TECPR2: variants seen among roughly 807,000 people sequenced by gnomAD.
TECPR2 encodes the protein tectonin beta-propeller repeat-containing protein 2.
TECPR2 carries 65 observed loss-of-function variants against 138.1 expected under a neutral mutation model. That is an observed-to-expected ratio of 0.47 (90% confidence interval 0.39 to 0.58). TECPR2 has a LOEUF of 0.58. Ranked by LOEUF, TECPR2 falls within the 20% of genes least tolerant of loss-of-function variation. The probability of loss-of-function intolerance (pLI) is 0.00; values close to 1 mark genes in which losing one functional copy is unlikely to be tolerated. For missense variants in TECPR2, 1,553 were observed against 1,824.5 expected (o/e 0.85, Z 2.71); for synonymous variants, 746 against 749.8 (o/e 0.99, Z 0.08).
At chr14:102,465,011 T>G in intron 16 of TECPR2, 130 bp from the exon 17 acceptor site, 1 of 1,101,252 alleles carries the variant, frequency 9.1e-7, no homozygotes, top group Non-Finnish European at 1.3e-6. Flanking sequence ...GATGACTTAG[T>G]GTCCAAGTTC....
intron 2 of TECPR2, among the ~76,000 whole-genome samples, chr14:102,392,294 A>G (rs756266113): frequency 6.6e-6 from 1 of 152,150 alleles, no homozygotes; most frequent in Non-Finnish European, 1.5e-5. Flanking sequence ...CGCCTGGCTG[A>G]GAACCCACTT....
chr14:102,442,921 A>G (rs1889872905), intron 11 of TECPR2, among the ~76,000 whole-genome samples: 1 of 152,246 alleles, frequency 6.6e-6, no homozygotes, highest in Non-Finnish European at 1.5e-5. Context: ...ACAAGGAGGC[A>G]AGGGGAGAGC....
At chr14:102,405,078 C>T (rs780064773) in intron 2 of TECPR2, among the ~76,000 whole-genome samples, 3 of 152,010 alleles carry the variant, frequency 2.0e-5, no homozygotes, top group Non-Finnish European at 4.4e-5. Context: ...GAGGCCCAGG[C>T]AGGCGGATCA....
At position 102,450,491 on chromosome 14, in the gene TECPR2, A is replaced by G. The variant is rs900408459; in HGVS notation, c.3317-69A>G. 2.7e-6 allele frequency: 4 copies of G among 1,501,388 alleles called. No individual in the cohort carries two copies. In the African/African-American group the frequency reaches 5.5e-5, roughly 21 times the overall value. 93.0% of individuals were successfully genotyped at this position (1,501,388 alleles called of 1,614,324 possible). Reference sequence around the variant, plus strand: ...GTTTGAAGGCCAGCTGTCGTCCAGAACTAAGATCTGAAGTGGTTTTGTCTA... The same window carrying G: ...GTTTGAAGGCCAGCTGTCGTCCAGAGCTAAGATCTGAAGTGGTTTTGTCTA... On this transcript the variant is annotated intron_variant, in intron 14 of 19. Transcript: ENST00000359520.
chr14:102,440,296 T>G (rs1362266596), intron 10 of TECPR2, 140 bp from the exon 11 acceptor site: 1 of 1,166,562 alleles, frequency 8.6e-7, no homozygotes, highest in South Asian at 1.5e-5. Flanking sequence ...CTGGGTCTGG[T>G]GGCCTCTTTC....
chr14:102,434,765 G>A lies in TECPR2; in HGVS notation c.1948G>A (p.Val650Met). The part of the protein sequence containing the change: ...CEVPLLNSLT[V>M]PSSLSWAPSA... ...AGTCCCCCTCCTGAACTCACTCACT[G>A]TGCCTTCCAGCCTCAGCTGGGCCCC... is the stretch of plus-strand genomic sequence containing the variant. Residue 650 changes from valine (V) to methionine (M), a missense_variant, in exon 9 of 20, where the codon GTG (valine) becomes ATG (methionine). By Grantham distance (21) the Val-to-Met change is conservative. Transcript: ENST00000359520. The A allele has an allele frequency of 6.2e-7, 1 of 1,613,388 alleles. No individual in the cohort carries two copies.
At position 102,425,016 on chromosome 14, in the gene TECPR2, T is replaced by C. The variant is rs2139715942; in HGVS notation, c.676T>C (p.Cys226Arg). Reference sequence around the variant, plus strand: ...TGGTGCTTGTTTTATACCAGGACTCTGTAAGCAAAGTGATCTAACCTTGTA... The same window carrying C: ...TGGTGCTTGTTTTATACCAGGACTCCGTAAGCAAAGTGATCTAACCTTGTA... ...KFGACFIPGL[C>R]KQSDLTLYAS... Residue 226 changes from cysteine (C) to arginine (R), a missense_variant, in exon 6 of 20, where the codon TGT becomes CGT. By Grantham distance (180) the Cys-to-Arg change is radical. Coordinates refer to ENST00000359520, the MANE Select transcript of TECPR2 (RefSeq NM_014844.5). 1.2e-6 allele frequency: 2 copies of C among 1,614,084 alleles called. No homozygotes were observed. Among genetic ancestry groups the C allele is most frequent in the East Asian group, 4.5e-5 (2 of 44,890 alleles).
intron 2 of TECPR2, among the ~76,000 whole-genome samples, chr14:102,405,503 AAAAG>A (rs1220736429): frequency 3.9e-5 from 6 of 152,212 alleles, no homozygotes; most frequent in African/African-American, 1.4e-4. Context: ...ACTGTCAAAA[AAAAG>A]AAAAAAAGGA....
At chr14:102,465,376 CCT>C in intron 17 of TECPR2, 87 bp downstream of exon 17, 1 of 1,518,966 alleles carries the variant, frequency 6.6e-7, no homozygotes. Context: ...ATCTGCACAG[CCT>C]CTAGAGGCCT....
In TECPR2 at chr14:102,495,278, G is replaced by A. The variant is rs561647040; in HGVS notation, c.3790-1701G>A. 1.1e-4 allele frequency among the ~76,000 whole-genome samples: 17 copies of A among 152,250 alleles called. No individual in the cohort carries two copies. The South Asian group carries it at 3.5e-3, about 32-fold the overall frequency. On this transcript the variant is annotated intron_variant, in intron 17 of 19. Transcript: ENST00000359520. ...CAGGTGGGGGCAGGAGGGAGGGGGT[G>A]GCCCTGTGCCTGTCAGTGTTTTGGC...
chr14:102,374,902 C>T (rs1887603997), intron 1 of TECPR2, among the ~76,000 whole-genome samples: 1 of 152,188 alleles, frequency 6.6e-6, no homozygotes, highest in Admixed American at 6.5e-5. Flanking sequence ...GTGCCTAGCC[C>T]TTTTCTCCCT....
At chr14:102,406,627 GA>G (rs776142935) in intron 2 of TECPR2, among the ~76,000 whole-genome samples, 4 of 152,166 alleles carry the variant, frequency 2.6e-5, no homozygotes, top group Non-Finnish European at 5.9e-5. Context: ...GCCCAGGCAG[GA>G]AGATCCCTTG....
intron 17 of TECPR2, among the ~76,000 whole-genome samples, chr14:102,488,771 CT>C (rs1891095591): frequency 6.6e-6 from 1 of 151,670 alleles, no homozygotes; most frequent in Middle Eastern, 3.4e-3. Context: ...CAAGGCTTGT[CT>C]ACTTTTTTTT....
At chr14:102,371,935 A>G (rs1253904045) in intron 1 of TECPR2, among the ~76,000 whole-genome samples, 2 of 152,156 alleles carry the variant, frequency 1.3e-5, no homozygotes, top group African/African-American at 4.8e-5. Context: ...ATCTGTAGCT[A>G]TCTGTGTACA....
rs760846127 is a variant in TECPR2, at chr14:102,445,877, A to G, written c.3005A>G (p.His1002Arg). The G allele has an allele frequency of 1.2e-6, 2 of 1,613,956 alleles. No individual in the cohort carries two copies. Among genetic ancestry groups the G allele is most frequent in the African/African-American group, 1.3e-5 (1 of 74,978 alleles). The stretch of plus-strand genomic sequence containing the variant: ...CAGACTCTCTGGGCCCTGGACATCC[A>G]TGGGAACCTGTGGTTCAGAACTGGC... ...DQQTLWALDI[H>R]GNLWFRTGII... Residue 1002 changes from histidine to arginine, a missense_variant, in exon 13 of 20, where the codon CAT becomes CGT. His to Arg is a conservative substitution (Grantham distance 29). Coordinates refer to ENST00000359520, the MANE Select transcript of TECPR2 (RefSeq NM_014844.5).
chr14:102,385,731 C>G (rs891217148), intron 2 of TECPR2, among the ~76,000 whole-genome samples: 5 of 151,414 alleles, frequency 3.3e-5, no homozygotes, highest in Non-Finnish European at 7.4e-5. Flanking sequence ...CTCAGGAGTT[C>G]GAGACTAGCC....
intron 17 of TECPR2, among the ~76,000 whole-genome samples, chr14:102,486,138 C>T (rs1203150245): frequency 6.6e-6 from 1 of 152,084 alleles, no homozygotes; most frequent in Non-Finnish European, 1.5e-5. Context: ...ATGTAGAGGC[C>T]CAGCAGTAAC....
At position 102,408,474 on chromosome 14, in the gene TECPR2, T is replaced by A; in HGVS notation, c.349-14T>A. The A allele has an allele frequency of 6.3e-7, 1 of 1,591,356 alleles. No homozygotes were observed. The highest frequency in any genetic ancestry group is 8.5e-7 in the Non-Finnish European group (1 of 1,173,934). ...TTTTTTTTTCTTGTGTATATTTTTA[T>A]CCCTTGTTCATAGCTTCGGAGATTT... On this transcript the variant is annotated splice_polypyrimidine_tract_variant and intron_variant, in intron 3 of 19. Transcript: ENST00000359520.
At chr14:102,467,903 C>T (rs1230405489) in intron 17 of TECPR2, among the ~76,000 whole-genome samples, 1 of 151,320 alleles carries the variant, frequency 6.6e-6, no homozygotes, top group Non-Finnish European at 1.5e-5. Context: ...GTGGCGCAAT[C>T]TCTGCTCACT....
Sources: allele counts gnomAD v4.1 joint callset (sites outside exome capture counted in the v4.1 genomes callset), GRCh38; gene constraint gnomAD v4.1.1; transcripts MANE v1.5; gene names NCBI Gene and HGNC (gene_info 2026-07-23, HGNC 2026-07-21).